PSMD9: variants seen among roughly 807,000 people sequenced by gnomAD.
The protein encoded by PSMD9 is 26S proteasome non-ATPase regulatory subunit 9.
PSMD9 carries 26 observed loss-of-function variants against 25.9 expected under a neutral mutation model. The ratio of observed to expected loss-of-function variants is 1.00; its 90% CI spans 0.73 to 1.39. The LOEUF is 1.39. Among genes scored for constraint, PSMD9 ranks in the 40% most tolerant of loss-of-function variants. The pLI, the probability that PSMD9 is intolerant of heterozygous loss-of-function variation, is 0.00. For missense variants in PSMD9, 303 were observed against 299.3 expected, an observed-to-expected ratio of 1.01 and a Z score of -0.09; for synonymous variants, 110 against 114.5, an observed-to-expected ratio of 0.96 and a Z score of 0.25.
In PSMD9 at chr12:121,901,666, C is replaced by CTTTTTTTTT. The variant is rs563939839; in HGVS notation, c.454-1321_454-1313dup. On this transcript the variant is annotated intron_variant, in intron 3 of 5. Coordinates refer to ENST00000541212, the MANE Select transcript of PSMD9 (RefSeq NM_002813.7). ...TGTCATGCCTGGCCCTTCATTCCTT[C>CTTTTTTTTT]TTTTTTTTTTTTTTTTTTTTTTTTT... 3.3e-4 allele frequency among the ~76,000 whole-genome samples: 31 copies of CTTTTTTTTT among 93,608 alleles called. 4 individuals are homozygous for CTTTTTTTTT. Among genetic ancestry groups the CTTTTTTTTT allele is most frequent in the African/African-American group, 1.4e-3 (24 of 16,984 alleles). 61.4% of individuals were successfully genotyped at this position (93,608 alleles called of 152,430 possible).
intron 4 of PSMD9, among the ~76,000 whole-genome samples, chr12:121,911,551 ATC>A (rs1414069814): frequency 6.6e-6 from 1 of 152,004 alleles, no homozygotes; most frequent in Non-Finnish European, 1.5e-5. Context: ...ATCTGTTCAA[ATC>A]TCTGCTTTCA....
At chr12:121,896,506 G>A (rs760132344) in intron 2 of PSMD9, among the ~76,000 whole-genome samples, 10 of 150,822 alleles carry the variant, frequency 6.6e-5, no homozygotes, top group Non-Finnish European at 1.0e-4. Context: ...TCTCAAAACA[G>A]CCCTTTTTAA....
chr12:121,892,001 G>C (rs1357883540), intron 1 of PSMD9, among the ~76,000 whole-genome samples: 1 of 150,782 alleles, frequency 6.6e-6, no homozygotes, highest in African/African-American at 2.4e-5. Context: ...ATTAGGCAAA[G>C]CCTTTTTAGA....
chr12:121,906,107 A>T (rs369232882), intron 4 of PSMD9, among the ~76,000 whole-genome samples: 263 of 152,322 alleles, frequency 1.7e-3, no homozygotes, highest in African/African-American at 6.0e-3. Flanking sequence ...AGTTAAATGT[A>T]TTCTCAGCTT....
intron 2 of PSMD9, 27 bp from the exon 3 acceptor site, chr12:121,899,607 G>A: frequency 6.4e-7 from 1 of 1,565,876 alleles, no homozygotes; most frequent in Non-Finnish European, 8.7e-7. Flanking sequence ...GTCTTCCTTG[G>A]CCCCTGATGT....
chr12:121,891,048 G>T (rs1270792456), intron 1 of PSMD9, among the ~76,000 whole-genome samples: 1 of 133,860 alleles, frequency 7.5e-6, no homozygotes, highest in African/African-American at 2.7e-5. Flanking sequence ...GGATGGTCTC[G>T]ATCTCCTGAC....
At chr12:121,894,944 G>T in intron 2 of PSMD9, 103 bp downstream of exon 2, 1 of 990,554 alleles carries the variant, frequency 1.0e-6, no homozygotes. Flanking sequence ...CTTCTCTTCT[G>T]CCTTGATGGG....
intron 2 of PSMD9, 158 bp from the exon 3 acceptor site, chr12:121,899,476 A>G (rs958360461): frequency 1.7e-5 from 11 of 660,282 alleles, no homozygotes; most frequent in African/African-American, 1.3e-4. Context: ...TGAATGCTCC[A>G]TGAGGGAATG....
At chr12:121,898,264 A>G (rs1390697659) in intron 2 of PSMD9, 1 of 152,238 alleles carries the variant, frequency 6.6e-6, no homozygotes, top group Non-Finnish European at 1.5e-5. Context: ...GGCACAAGGT[A>G]TCAAAATACC....
intron 1 of PSMD9, among the ~76,000 whole-genome samples, chr12:121,892,289 C>A (rs945369765): frequency 6.6e-6 from 1 of 152,136 alleles, no homozygotes; most frequent in Non-Finnish European, 1.5e-5. Flanking sequence ...AATGGCCAGG[C>A]GTGGTGGCTC....
chr12:121,916,052 C>A (rs113182749), intron 5 of PSMD9, 108 bp downstream of exon 5: 1 of 1,295,208 alleles, frequency 7.7e-7, no homozygotes, highest in Non-Finnish European at 1.1e-6. Flanking sequence ...ATGGGAATCC[C>A]CAGTTTGCAT....
chr12:121,891,829 C>A (rs1307201945), intron 1 of PSMD9, among the ~76,000 whole-genome samples: 1 of 146,266 alleles, frequency 6.8e-6, no homozygotes, highest in Non-Finnish European at 1.5e-5. Context: ...TCACTTGAAC[C>A]TGGGAGGCGG....
At chr12:121,913,224 G>GCC (rs1879788782) in intron 4 of PSMD9, among the ~76,000 whole-genome samples, 1 of 151,854 alleles carries the variant, frequency 6.6e-6, no homozygotes, top group African/African-American at 2.4e-5. Context: ...GATTACAGGC[G>GCC]TGAGCCACCG....
intron 3 of PSMD9, among the ~76,000 whole-genome samples, chr12:121,900,857 T>G (rs1485546871): frequency 6.6e-6 from 1 of 151,880 alleles, no homozygotes; most frequent in Non-Finnish European, 1.5e-5. Context: ...TGGTGACATG[T>G]GCCTGTAATC....
Position 121,915,889 on chromosome 12 carries a change from G to T in PSMD9, c.589G>T (p.Glu197Ter). ...GAATGTGACAGTGATCCGCAGGGGGGAAAAACACCAGCTTAGACTTGTTCC... is the reference window on the plus strand; with the variant it reads ...GAATGTGACAGTGATCCGCAGGGGGTAAAAACACCAGCTTAGACTTGTTCC... ...PLNVTVIRRGEKHQLRLVPTR... is the reference protein window; with the variant it reads ...PLNVTVIRRG Residue 197 changes from glutamate to a stop codon, truncating the protein, a stop_gained, in exon 5 of 6, where the codon GAA (glutamate) becomes TAA (stop). Transcript: ENST00000541212. LOFTEE classifies it high-confidence loss of function. 6.2e-7 allele frequency: 1 copy of T among 1,613,670 alleles called. No homozygotes were observed. The highest frequency in any genetic ancestry group is 8.5e-7 in the Non-Finnish European group (1 of 1,179,800).
intron 4 of PSMD9, among the ~76,000 whole-genome samples, chr12:121,903,628 TCCTC>T (rs1335725415): frequency 6.6e-6 from 1 of 152,076 alleles, no homozygotes; most frequent in Non-Finnish European, 1.5e-5. Flanking sequence ...TTCCTCTTCA[TCCTC>T]CTTCTGTTTT....
chr12:121,899,532 C>A, intron 2 of PSMD9, 102 bp from the exon 3 acceptor site: 1 of 1,106,370 alleles, frequency 9.0e-7, no homozygotes, highest in Non-Finnish European at 1.3e-6. Context: ...AGCTCCACAT[C>A]TGGCATGTAA....
chr12:121,897,947 G>A (rs867893526), intron 2 of PSMD9: 2 of 152,216 alleles, frequency 1.3e-5, no homozygotes, highest in South Asian at 2.1e-4. Flanking sequence ...ATTGTAATAT[G>A]TTGTAAATAG....
chr12:121,897,571 T>TG (rs1290904473), intron 2 of PSMD9: 28 of 150,884 alleles, frequency 1.9e-4, no homozygotes, highest in South Asian at 4.2e-4. Context: ...TTTTTAGTAG[T>TG]ATTTTTTTAG....
Sources: gnomAD v4.1 joint callset for allele counts (sites outside exome capture counted in the v4.1 genomes callset) on GRCh38, gnomAD v4.1.1 for gene constraint, MANE v1.5 for transcripts, NCBI Gene and HGNC (gene_info 2026-07-23, HGNC 2026-07-21) for gene names.